KLHL6: variants seen among roughly 807,000 people sequenced by gnomAD.
KLHL6 encodes kelch like family member 6.
A neutral mutation model predicts 58.6 loss-of-function variants in KLHL6; 41 were observed. The observed-to-expected ratio is 0.70, with a 90% CI of 0.55 to 0.91. The LOEUF (loss-of-function observed/expected upper bound fraction) is 0.91. Ranked by LOEUF, KLHL6 falls within the 40% of genes least tolerant of loss-of-function variation. KLHL6 has a pLI of 0.00. For missense variants in KLHL6, 714 were observed against 805.6 expected (o/e 0.89, Z 1.38); for synonymous variants, 338 against 322.7 (o/e 1.05, Z -0.51).
In KLHL6 at chr3:183,508,505, G is replaced by C; in HGVS notation, c.463C>G (p.Leu155Val). The C allele has an allele frequency of 6.2e-7, 1 of 1,611,784 alleles. No homozygotes were observed. The highest frequency in any genetic ancestry group is 8.5e-7 in the Non-Finnish European group (1 of 1,178,708). ...VLEAANLFQF[L>V]RMVDACASFL... ...CTGGCACAGGCATCCACCATCCGCA[G>C]GAACTGATGAAATAGAAAGGGTGGA... The change falls in exon 3 of 7, where the codon CTG (leucine) becomes GTG (valine). Residue 155 changes from leucine to valine, a missense_variant. Coordinates refer to ENST00000341319, the MANE Select transcript of KLHL6 (RefSeq NM_130446.4).
chr3:183,499,351 A>AAAAAG lies in KLHL6; in HGVS notation c.1147+234_1147+238dup, dbSNP rs771668939. Among the ~76,000 whole-genome samples, 10 of 151,956 alleles carry AAAAAG rather than the reference A, an allele frequency of 6.6e-5. No homozygotes were observed. The highest frequency in any genetic ancestry group is 1.2e-4 in the Non-Finnish European group (8 of 67,930). On this transcript the variant is annotated intron_variant, in intron 4 of 6. Transcript: ENST00000341319. The surrounding 1 kb of genome is among the most constrained non-coding windows in gnomAD (Gnocchi z 4.6). ...ACAGAGCGAGACGCTGTCTCAAAAAAAAAAGAAAAGAAAAGAAAAGAAAAA... is the reference window on the plus strand; with the variant it reads ...ACAGAGCGAGACGCTGTCTCAAAAAAAAAAGAAAAGAAAAGAAAAGAAAAGAAAAA...
intron 3 of KLHL6, among the ~76,000 whole-genome samples, chr3:183,505,731 A>C (rs1717982781): frequency 6.6e-6 from 1 of 152,150 alleles, no homozygotes; most frequent in Non-Finnish European, 1.5e-5. Context: ...TGCAGGTATT[A>C]ACAAGATAAT....
At chr3:183,554,674 T>G (rs1382180034) in intron 1 of KLHL6, among the ~76,000 whole-genome samples, 1 of 152,234 alleles carries the variant, frequency 6.6e-6, no homozygotes, top group Non-Finnish European at 1.5e-5. Context: ...ATCCTTTTTC[T>G]CTATGTCTGT....
At chr3:183,522,418 T>C (rs1462393442) in intron 2 of KLHL6, 1 of 152,212 alleles carries the variant, frequency 6.6e-6, no homozygotes, top group African/African-American at 2.4e-5. Flanking sequence ...ATGCTTACAG[T>C]AGCCACACAG....
chr3:183,554,303 A>G (rs2108703763), intron 1 of KLHL6, among the ~76,000 whole-genome samples: 1 of 152,320 alleles, frequency 6.6e-6, no homozygotes, highest in Non-Finnish European at 1.5e-5. Flanking sequence ...AATCAGAAAA[A>G]GAATTCCAAG....
chr3:183,516,527 G>A lies in KLHL6; in HGVS notation c.460-8019C>T, dbSNP rs79370192. ...TGAGGAGACTAAAAATACAATCAAA[G>A]AAACCACTTGAGACGTGGCTGCAGT... On this transcript the variant is annotated intron_variant, in intron 2 of 6. Coordinates refer to ENST00000341319, the MANE Select transcript of KLHL6 (RefSeq NM_130446.4). Among the ~76,000 whole-genome samples the A allele has an allele frequency of 7.6e-3, 1,155 of 152,300 alleles. 7 individuals carry two copies. The highest frequency in any genetic ancestry group is 0.027 in the African/African-American group (1,110 of 41,560).
At chr3:183,546,943 A>G (rs10451933) in intron 1 of KLHL6, among the ~76,000 whole-genome samples, 15,852 of 136,212 alleles carry the variant, frequency 0.12, 1,410 homozygotes, top group African/African-American at 0.27. Flanking sequence ...GGAATCTCTC[A>G]CTCTGTCGTC....
chr3:183,541,481 G>A (rs572888717), intron 1 of KLHL6, among the ~76,000 whole-genome samples: 35 of 152,316 alleles, frequency 2.3e-4, no homozygotes, highest in African/African-American at 8.4e-4. Context: ...GTGCACTAAC[G>A]TGGATTGCAA....
At chr3:183,529,470 C>G (rs1230372929) in intron 1 of KLHL6, among the ~76,000 whole-genome samples, 1 of 151,984 alleles carries the variant, frequency 6.6e-6, no homozygotes. Flanking sequence ...GTAACTGAAC[C>G]ATGCTCTGAA....
chr3:183,517,310 T>C (rs936994558), intron 2 of KLHL6, among the ~76,000 whole-genome samples: 4 of 152,102 alleles, frequency 2.6e-5, no homozygotes, highest in African/African-American at 9.7e-5. Flanking sequence ...TTAAAAGGGG[T>C]CTTCATGCTA....
chr3:183,536,369 G>T (rs1712366679), intron 1 of KLHL6, among the ~76,000 whole-genome samples: 1 of 152,240 alleles, frequency 6.6e-6, no homozygotes, highest in Non-Finnish European at 1.5e-5. Flanking sequence ...GGCCATCCAG[G>T]AGTAGGTAAA....
intron 1 of KLHL6, among the ~76,000 whole-genome samples, chr3:183,549,755 C>T (rs1160463798): frequency 6.6e-6 from 1 of 152,122 alleles, no homozygotes; most frequent in Admixed American, 6.6e-5. Context: ...CCAAAGACTA[C>T]CAGATATTTA....
At chr3:183,534,408 T>A (rs1712291338) in intron 1 of KLHL6, among the ~76,000 whole-genome samples, 1 of 152,078 alleles carries the variant, frequency 6.6e-6, no homozygotes, top group Non-Finnish European at 1.5e-5. Context: ...TTTTTGTTTG[T>A]TTGTTTGTTT....
intron 1 of KLHL6, among the ~76,000 whole-genome samples, chr3:183,553,347 G>T (rs1285554192): frequency 6.6e-6 from 1 of 152,144 alleles, no homozygotes; most frequent in Non-Finnish European, 1.5e-5. Flanking sequence ...TCCCATTTAG[G>T]ATGAGAAACC....
intron 2 of KLHL6, among the ~76,000 whole-genome samples, chr3:183,516,507 A>G (rs1339632483): frequency 6.6e-6 from 1 of 152,214 alleles, no homozygotes; most frequent in African/African-American, 2.4e-5. Flanking sequence ...TCAAATGAGG[A>G]GACTAAAAAT....
At chr3:183,500,137 A>G (rs1173778893) in intron 3 of KLHL6, among the ~76,000 whole-genome samples, 2 of 152,200 alleles carry the variant, frequency 1.3e-5, no homozygotes, top group Non-Finnish European at 2.9e-5. Flanking sequence ...TCTATTTACT[A>G]TCAGATGCAC....
intron 1 of KLHL6, among the ~76,000 whole-genome samples, chr3:183,550,654 G>A (rs762744676): frequency 2.6e-4 from 40 of 151,838 alleles, no homozygotes; most frequent in Non-Finnish European, 5.3e-4. Flanking sequence ...AAAATTAGCC[G>A]GGCATGGTGG....
At chr3:183,538,600 T>A (rs1712441284) in intron 1 of KLHL6, among the ~76,000 whole-genome samples, 1 of 152,228 alleles carries the variant, frequency 6.6e-6, no homozygotes, top group Non-Finnish European at 1.5e-5. Context: ...TACTACACAA[T>A]GAACACTATT....
At chr3:183,512,584 C>T (rs1233412642) in intron 2 of KLHL6, among the ~76,000 whole-genome samples, 2 of 151,920 alleles carry the variant, frequency 1.3e-5, no homozygotes, top group Non-Finnish European at 2.9e-5. Flanking sequence ...CTCCGCCTCC[C>T]GGGTTCAAGA....
Sources: allele counts gnomAD v4.1 joint callset (sites outside exome capture counted in the v4.1 genomes callset), GRCh38; gene constraint gnomAD v4.1.1; non-coding constraint Gnocchi (gnomAD v3.1); transcripts MANE v1.5; gene names NCBI Gene and HGNC (gene_info 2026-07-23, HGNC 2026-07-21).